Variants in MORC4 observed in about 807,000 individuals in gnomAD.
MORC4 encodes the protein MORC family CW-type zinc finger 4, also known as MORC family CW-type zinc finger protein 4.
Under a neutral mutation model 65.5 loss-of-function variants are expected in MORC4, and 22 were observed. That is an observed-to-expected ratio of 0.34 (90% confidence interval 0.24 to 0.48). MORC4 has a LOEUF of 0.48. Among genes scored for constraint, MORC4 ranks in the 20% least tolerant of loss-of-function variants. The pLI, the probability that MORC4 is intolerant of heterozygous loss-of-function variation, is 0.99. For missense variants in MORC4, 624 were observed against 703.0 expected, an observed-to-expected ratio of 0.89 and a Z score of 1.27; for synonymous variants, 267 against 255.8, an observed-to-expected ratio of 1.04 and a Z score of -0.42.
chrX:106,985,602 G>C (rs183820639), intron 4 of MORC4, among the ~76,000 whole-genome samples: 5 of 110,687 alleles, frequency 4.5e-5, no homozygotes, highest in Non-Finnish European at 5.7e-5. Context: ...ATAGGGAAAT[G>C]AGCTATTCTG....
intron 3 of MORC4, among the ~76,000 whole-genome samples, chrX:106,989,980 G>A (rs991238943): frequency 9.3e-6 from 1 of 108,096 alleles, no homozygotes; most frequent in Non-Finnish European, 1.9e-5. Context: ...AAGGTCAAGG[G>A]ATGGAGACCA....
At chrX:106,977,402 G>A (rs1602498138) in intron 8 of MORC4, among the ~76,000 whole-genome samples, 1 of 111,479 alleles carries the variant, frequency 9.0e-6, no homozygotes, top group African/African-American at 3.2e-5. Context: ...ATCATTTTTT[G>A]TGCTTTAGCA....
At chrX:106,959,881 C>T (rs951048896) in intron 10 of MORC4, among the ~76,000 whole-genome samples, 1 of 112,410 alleles carries the variant, frequency 8.9e-6, no homozygotes, top group African/African-American at 3.2e-5. Flanking sequence ...AATATAAGCT[C>T]ATTATTAAAA....
chrX:106,960,020 C>G (rs1427932451), intron 10 of MORC4, among the ~76,000 whole-genome samples: 2 of 112,318 alleles, frequency 1.8e-5, no homozygotes, highest in African/African-American at 6.5e-5. Flanking sequence ...TTTGGATCTA[C>G]AGCTTCCTAT....
chrX:106,969,260 A>G (rs1279393007), intron 9 of MORC4, among the ~76,000 whole-genome samples: 2 of 112,075 alleles, frequency 1.8e-5, no homozygotes, highest in African/African-American at 6.5e-5. Flanking sequence ...AGAAATAAAG[A>G]TGGTCTTTGA....
intron 5 of MORC4, 102 bp downstream of exon 5, chrX:106,984,994 C>T: frequency 1.3e-6 from 1 of 746,021 alleles, no homozygotes; most frequent in Non-Finnish European, 1.9e-6. Flanking sequence ...CATAATGAGA[C>T]CCTGTCTTTT....
At chrX:106,957,445 T>C (rs1934137733) in intron 11 of MORC4, among the ~76,000 whole-genome samples, 1 of 111,656 alleles carries the variant, frequency 9.0e-6, no homozygotes, top group African/African-American at 3.3e-5. Context: ...GAAATGCTTA[T>C]ATTTATAGAC....
intron 14 of MORC4, among the ~76,000 whole-genome samples, chrX:106,947,571 T>TATATA (rs1555982139): frequency 7.1e-4 from 55 of 77,939 alleles, no homozygotes; most frequent in Admixed American, 1.2e-3. Flanking sequence ...TATATATATA[T>TATATA]TATATATATA....
chrX:106,949,115 A>G (rs1053978969), intron 14 of MORC4, among the ~76,000 whole-genome samples: 2 of 111,731 alleles, frequency 1.8e-5, no homozygotes, highest in African/African-American at 6.5e-5. Flanking sequence ...TTCAAATTGC[A>G]TAATCTATAA....
chrX:106,954,249 G>C (rs1328209848), intron 14 of MORC4, among the ~76,000 whole-genome samples: 1 of 112,432 alleles, frequency 8.9e-6, no homozygotes, highest in Non-Finnish European at 1.9e-5. Context: ...ATAATTAGGA[G>C]TACTGAGTTC....
chrX:106,947,610 C>A (rs1484622815), intron 14 of MORC4, among the ~76,000 whole-genome samples: 1 of 88,320 alleles, frequency 1.1e-5, no homozygotes, highest in African/African-American at 4.3e-5. Flanking sequence ...ATATATAAAA[C>A]ACACTTTAGA....
intron 9 of MORC4, among the ~76,000 whole-genome samples, chrX:106,967,200 C>A (rs1006864621): frequency 9.0e-6 from 1 of 111,604 alleles, no homozygotes; most frequent in African/African-American, 3.3e-5. Flanking sequence ...CAAACTCCAA[C>A]AGACCTGCAG....
chrX:106,963,335 T>C (rs192486610), intron 9 of MORC4, among the ~76,000 whole-genome samples: 20 of 112,040 alleles, frequency 1.8e-4, no homozygotes, highest in Non-Finnish European at 3.6e-4. Flanking sequence ...TTGGAAAGTT[T>C]GCAACTTCCA....
At chrX:106,993,799 C>T (rs905242128) in intron 2 of MORC4, among the ~76,000 whole-genome samples, 1 of 112,399 alleles carries the variant, frequency 8.9e-6, no homozygotes, top group African/African-American at 3.2e-5. Flanking sequence ...ATATTACACA[C>T]ATTACAGTTT....
At position 106,997,301 on chromosome X, in the gene MORC4, C is replaced by T. The variant is rs1317777495; in HGVS notation, c.175+2376G>A. Among the ~76,000 whole-genome samples the T allele has an allele frequency of 2.7e-5, 3 of 111,941 alleles. No homozygotes were observed. The East Asian group carries it at 8.4e-4, about 31-fold the overall frequency. On this transcript the variant is annotated intron_variant, in intron 2 of 16. Transcript: ENST00000355610. ...GTCTCTTACAGAGTTTATTTCCTCT[C>T]ATCTGGATTATTGCAATAACCTCCT...
chrX:106,985,120 C>T lies in MORC4; in HGVS notation c.650G>A (p.Arg217His), dbSNP rs780001500. The T allele has an allele frequency of 1.7e-6, 2 of 1,204,191 alleles. No individual in the cohort carries two copies. The highest frequency in any genetic ancestry group is 2.2e-6 in the Non-Finnish European group (2 of 891,820). ...CCTGCGGATGTTCCAAATGAGAACA[C>T]GAGTGCCTTTTTTGCCTGGGATGGC... Reference protein sequence around the residue: ...FDAIPGKKGTRVLIWNIRRNK... With the variant: ...FDAIPGKKGTHVLIWNIRRNK... Residue 217 changes from arginine to histidine, a missense_variant, in exon 5 of 17, where the codon CGT (arginine) becomes CAT (histidine). Coordinates refer to ENST00000355610, the MANE Select transcript of MORC4 (RefSeq NM_024657.5).
intron 4 of MORC4, 128 bp from the exon 5 acceptor site, chrX:106,985,371 G>T: frequency 1.2e-5 from 5 of 416,965 alleles, no homozygotes; most frequent in Non-Finnish European, 1.9e-5. Flanking sequence ...GCTATAGAAG[G>T]AGGAAAGGTG....
At chrX:106,976,806 A>G in intron 8 of MORC4, 122 bp from the exon 9 acceptor site, 3 of 450,742 alleles carry the variant, frequency 6.7e-6, no homozygotes, top group Non-Finnish European at 1.2e-5. Context: ...AAGACCATCA[A>G]GATCTAGAGA....
intron 7 of MORC4, among the ~76,000 whole-genome samples, chrX:106,979,922 T>C (rs1223353684): frequency 9.0e-6 from 1 of 110,713 alleles, no homozygotes; most frequent in Admixed American, 9.7e-5. Context: ...TAAATTGATT[T>C]GTTTATGCTT....
Sources: allele counts gnomAD v4.1 joint callset (sites outside exome capture counted in the v4.1 genomes callset), GRCh38; gene constraint gnomAD v4.1.1; transcripts MANE v1.5; gene names NCBI Gene and HGNC (gene_info 2026-07-23, HGNC 2026-07-21).